Variants in TFG observed in about 807,000 individuals in gnomAD.
TFG encodes the protein trafficking from ER to golgi regulator.
In TFG, 22 loss-of-function variants were observed where a neutral mutation model predicts 51.4. The ratio of observed to expected loss-of-function variants is 0.43; its 90% CI spans 0.31 to 0.61. The LOEUF (loss-of-function observed/expected upper bound fraction) is 0.61, where lower values mean the gene tolerates loss of function less well. Ranked by LOEUF, TFG falls within the 20% of genes least tolerant of loss-of-function variation. The pLI is 0.12. For synonymous variants in TFG, 187 were observed against 165.6 expected (o/e 1.13, Z -0.99); for missense variants, 419 against 487.7 (o/e 0.86, Z 1.33).
chr3:100,740,906 A>G (rs1007564963), intron 6 of TFG, among the ~76,000 whole-genome samples: 3 of 152,182 alleles, frequency 2.0e-5, no homozygotes, highest in African/African-American at 7.2e-5. Context: ...TGCATATATG[A>G]TGGTGGTCTC....
intron 2 of TFG, among the ~76,000 whole-genome samples, chr3:100,719,177 G>A (rs748570723): frequency 2.6e-5 from 4 of 152,290 alleles, no homozygotes; most frequent in African/African-American, 7.2e-5. Flanking sequence ...AGTAGGTGCA[G>A]CAGAGCATCC....
At position 100,719,968 on chromosome 3, in the gene TFG, A is replaced by G; in HGVS notation, c.185-7A>G. The G allele has an allele frequency of 1.3e-6, 2 of 1,512,286 alleles. No homozygotes were observed. Among genetic ancestry groups the G allele is most frequent in the Admixed American group, 2.3e-5 (1 of 44,420 alleles). 93.7% of individuals were successfully genotyped at this position (1,512,286 alleles called of 1,614,324 possible). Reference sequence around the variant, plus strand: ...AAAAAACAACCTTTTTTTTTTTTAAATTCCAGATGGAGATCTTATAACAAT... The same window carrying G: ...AAAAAACAACCTTTTTTTTTTTTAAGTTCCAGATGGAGATCTTATAACAAT... On this transcript the variant is annotated splice_polypyrimidine_tract_variant and splice_region_variant and intron_variant, in intron 2 of 7. Transcript: ENST00000240851.
chr3:100,715,834 A>G (rs989993018), intron 2 of TFG, among the ~76,000 whole-genome samples: 2 of 151,878 alleles, frequency 1.3e-5, no homozygotes, highest in East Asian at 3.9e-4. Flanking sequence ...AATACTGCCA[A>G]CCCGGCCTCC....
At chr3:100,747,034 A>G (rs1161104000) in intron 7 of TFG, among the ~76,000 whole-genome samples, 1 of 152,222 alleles carries the variant, frequency 6.6e-6, no homozygotes, top group Non-Finnish European at 1.5e-5. Flanking sequence ...CTCTTAATAA[A>G]TTTAGTCAGG....
chr3:100,735,751 C>CATTATTTTGTA (rs2095104593), intron 5 of TFG, among the ~76,000 whole-genome samples: 1 of 152,168 alleles, frequency 6.6e-6, no homozygotes, highest in Non-Finnish European at 1.5e-5. Context: ...TTTCTGTGTT[C>CATTATTTTGTA]ATTATTTTGT....
intron 7 of TFG, among the ~76,000 whole-genome samples, chr3:100,746,732 C>T (rs924623574): frequency 7.2e-5 from 11 of 151,992 alleles, no homozygotes; most frequent in Non-Finnish European, 1.5e-4. Context: ...AATTAAGGAT[C>T]AGATTACTTC....
chr3:100,743,297 G>A (rs1559722867), intron 6 of TFG: 4 of 152,066 alleles, frequency 2.6e-5, no homozygotes. Flanking sequence ...TAATTTTCAA[G>A]AATTAAGAGT....
chr3:100,725,988 A>C (rs2095074633), intron 3 of TFG, among the ~76,000 whole-genome samples: 1 of 152,170 alleles, frequency 6.6e-6, no homozygotes, highest in Non-Finnish European at 1.5e-5. Flanking sequence ...GAGAATTGCA[A>C]GGTGATTACA....
intron 3 of TFG, among the ~76,000 whole-genome samples, chr3:100,725,226 C>T (rs927119591): frequency 6.6e-6 from 1 of 152,030 alleles, no homozygotes; most frequent in Non-Finnish European, 1.5e-5. Flanking sequence ...TCTTTTACCT[C>T]ATATGGGGGC....
intron 3 of TFG, among the ~76,000 whole-genome samples, chr3:100,724,362 A>AAG (rs2095069154): frequency 6.6e-6 from 1 of 152,210 alleles, no homozygotes; most frequent in Non-Finnish European, 1.5e-5. Flanking sequence ...TGAAGTTTAT[A>AAG]GTAGAAACTT....
intron 2 of TFG, among the ~76,000 whole-genome samples, chr3:100,717,841 C>T (rs1003840185): frequency 6.6e-5 from 10 of 151,252 alleles, no homozygotes; most frequent in African/African-American, 2.2e-4. Flanking sequence ...GGACAGTTTG[C>T]TTCCTTCCCA....
At position 100,748,653 on chromosome 3, in the gene TFG, T is replaced by C. The variant is rs1044526918; in HGVS notation, c.*122T>C. The C allele has an allele frequency of 1.2e-5, 13 of 1,115,998 alleles. No homozygotes were observed. In the East Asian group the frequency reaches 1.6e-4, roughly 13 times the overall value. The allele number at this position is 1,115,998 out of a possible 1,614,324, so 69.1% of individuals were successfully genotyped here. A position where few individuals can be genotyped will look rare whatever the true frequency, so the allele number is the denominator to read the frequency against. The stretch of plus-strand genomic sequence containing the variant: ...TAAAAGCAGAGCATTTTTTATGATA[T>C]CATTGTTGGTGTTAATTGAAAGTAT... On this transcript the variant is annotated 3_prime_UTR_variant, in exon 8 of 8. Transcript: ENST00000240851.
Position 100,728,718 on chromosome 3 carries a change from G to T in TFG, c.275G>T (p.Gly92Val). ...RILKLTLFVN[G>V]QPRPLESSQV... ...ATAAATGTTTTTATTTCAGTTAATG[G>T]CCAGCCAAGACCCCTTGAATCAAGT... is the stretch of plus-strand genomic sequence containing the variant. Residue 92 changes from glycine (G) to valine (V), a missense_variant, in exon 4 of 8, where the codon GGC (glycine) becomes GTC (valine). Gly to Val is a moderately radical substitution (Grantham distance 109). Around this residue, in one of 3 missense-constraint regions of TFG, gnomAD observed 391 missense variants for 434.4 expected, o/e 0.90. Coordinates refer to ENST00000240851, the MANE Select transcript of TFG (RefSeq NM_006070.6). 2 of 1,579,470 alleles carry T rather than the reference G, an allele frequency of 1.3e-6. No individual in the cohort carries two copies. The highest frequency in any genetic ancestry group is 8.6e-7 in the Non-Finnish European group (1 of 1,165,068).
chr3:100,733,881 A>G (rs2095098612), intron 5 of TFG, among the ~76,000 whole-genome samples: 3 of 152,328 alleles, frequency 2.0e-5, no homozygotes, highest in South Asian at 2.1e-4. Flanking sequence ...ATAGTAAACT[A>G]TGTGCATATT....
chr3:100,710,213 A>C (rs2095026412), intron 1 of TFG: 1 of 152,230 alleles, frequency 6.6e-6, no homozygotes, highest in African/African-American at 2.4e-5. Flanking sequence ...GTCAGCGCTT[A>C]ATCAAGCGCC....
rs115622078 is a variant in TFG, at chr3:100,746,519, A to C, written c.820+1588A>C. Reference sequence around the variant, plus strand: ...AGATGTCCTATGTATTAAAAAAAAAACTCACATAATTTCCATATTTCCATT... The same window carrying C: ...AGATGTCCTATGTATTAAAAAAAAACCTCACATAATTTCCATATTTCCATT... On this transcript the variant is annotated intron_variant, in intron 7 of 7. Transcript: ENST00000240851. Among the ~76,000 whole-genome samples, 680 of 152,192 alleles carry C rather than the reference A, an allele frequency of 4.5e-3. 7 individuals are homozygous for C. The highest frequency in any genetic ancestry group is 0.016 in the African/African-American group (651 of 41,528).
At chr3:100,718,986 A>G (rs1401008475) in intron 2 of TFG, among the ~76,000 whole-genome samples, 1 of 152,234 alleles carries the variant, frequency 6.6e-6, no homozygotes, top group East Asian at 1.9e-4. Context: ...AGAAAAAAAG[A>G]ACAGGAAGTT....
intron 2 of TFG, among the ~76,000 whole-genome samples, chr3:100,714,827 C>T (rs774731833): frequency 6.6e-6 from 1 of 152,162 alleles, no homozygotes; most frequent in Non-Finnish European, 1.5e-5. Context: ...TGTTCCCAGA[C>T]TCATTTGTTG....
chr3:100,717,923 A>AT (rs2095050706), intron 2 of TFG, among the ~76,000 whole-genome samples: 1 of 150,176 alleles, frequency 6.7e-6, no homozygotes, highest in Non-Finnish European at 1.5e-5. Context: ...TCTTTTTTTT[A>AT]TTTTTTATTT....
Sources: gnomAD v4.1 joint callset for allele counts (sites outside exome capture counted in the v4.1 genomes callset) on GRCh38, gnomAD v4.1.1 for gene constraint, gnomAD v4.1.1 regional missense constraint, MANE v1.5 for transcripts, NCBI Gene and HGNC (gene_info 2026-07-23, HGNC 2026-07-21) for gene names.